Variants in RADIL observed in about 807,000 individuals in gnomAD.
RADIL encodes the protein ras-associating and dilute domain-containing protein.
RADIL carries 99 observed loss-of-function variants against 97.6 expected under a neutral mutation model. That is an observed-to-expected ratio of 1.01 (90% CI 0.86 to 1.20). The LOEUF (loss-of-function observed/expected upper bound fraction) is 1.20. Among genes scored for constraint, RADIL ranks in the 50% most tolerant of loss-of-function variants. The pLI is 0.00. For missense variants in RADIL, 1,765 were observed against 1,498.9 expected (o/e 1.18, Z -2.93); for synonymous variants, 803 against 691.8 (o/e 1.16, Z -2.52).
intron 9 of RADIL, chr7:4,809,721 C>G: frequency 1.2e-6 from 1 of 828,060 alleles, no homozygotes; most frequent in Non-Finnish European, 1.5e-6. Context: ...TTCGCTCTGT[C>G]GCCCAGGCCG....
At position 4,817,267 on chromosome 7, in the gene RADIL, A is replaced by T. The variant is rs1170894025; in HGVS notation, c.1700T>A (p.Phe567Tyr). 5 of 1,612,620 alleles carry T rather than the reference A, an allele frequency of 3.1e-6. No individual in the cohort carries two copies. The highest frequency in any genetic ancestry group is 4.2e-6 in the Non-Finnish European group (5 of 1,179,640). Residue 567 changes from phenylalanine to tyrosine, a missense_variant, in exon 7 of 15, where the codon TTC becomes TAC. Coordinates refer to ENST00000399583, the MANE Select transcript of RADIL (RefSeq NM_018059.5). The surrounding 1 kb of genome is among the most constrained non-coding windows in gnomAD (Gnocchi z 8.3). ...GGAGACATAGTAGACGCACTGCTGG[A>T]AGGCGTACAGCACCACCTCCTCCAG... is the stretch of plus-strand genomic sequence containing the variant. ...AVLEEVVLYA[F>Y]QQCVYYVSKS...
At chr7:4,800,494 A>G (rs1782046232) in intron 12 of RADIL, among the ~76,000 whole-genome samples, 184 bp from the exon 13 acceptor site, 1 of 152,056 alleles carries the variant, frequency 6.6e-6, no homozygotes, top group African/African-American at 2.4e-5. Flanking sequence ...GGGTCCGCCC[A>G]TGGGCGACAC....
Position 4,803,716 on chromosome 7 carries a change from C to T in RADIL, c.2329G>A (p.Val777Ile), listed in dbSNP as rs750784730. Residue 777 changes from valine to isoleucine, a missense_variant, in exon 11 of 15, where the codon GTC becomes ATC. Val to Ile is a conservative substitution (Grantham distance 29). Coordinates refer to ENST00000399583, the MANE Select transcript of RADIL (RefSeq NM_018059.5). ...ACCTGGAAGCCGTCGCTGGGCAGGA[C>T]GATGGGTGGGGGGTTTTCGTAGGAC... is the stretch of plus-strand genomic sequence containing the variant. ...LESYENPPPI[V>I]LPSDGFQVDL... 8.3e-6 allele frequency: 13 copies of T among 1,567,726 alleles called. No homozygotes were observed. Among genetic ancestry groups the T allele is most frequent in the South Asian group, 1.2e-5 (1 of 85,182 alleles).
rs559726355 is a variant in RADIL at position 4,819,991 on chromosome 7, C to T, written c.1615+2403G>A. On this transcript the variant is annotated intron_variant, in intron 6 of 14. Coordinates refer to ENST00000399583, the MANE Select transcript of RADIL (RefSeq NM_018059.5). The surrounding 1 kb of genome is among the most constrained non-coding windows in gnomAD (Gnocchi z 5.8). ...GGACCACATGGGACCCAGCTGCCTG[C>T]GGCCACCAAACCCAGGCAGCCACGA... 1.1e-4 allele frequency among the ~76,000 whole-genome samples: 16 copies of T among 152,364 alleles called. No individual in the cohort carries two copies. Among genetic ancestry groups the T allele is most frequent in the East Asian group, 5.8e-4 (3 of 5,182 alleles).
At chr7:4,843,401 A>T (rs1246850897) in intron 2 of RADIL, among the ~76,000 whole-genome samples, 1 of 152,206 alleles carries the variant, frequency 6.6e-6, no homozygotes, top group Non-Finnish European at 1.5e-5. Flanking sequence ...CACAGAGGTC[A>T]GATGGGCCTG....
intron 9 of RADIL, 82 bp from the exon 10 acceptor site, chr7:4,805,798 C>A: frequency 6.6e-7 from 1 of 1,514,404 alleles, no homozygotes; most frequent in South Asian, 1.3e-5. Flanking sequence ...CACAGGTGGC[C>A]TGGGGGTAGC....
rs917310703 is a variant in RADIL, at chr7:4,835,143, G to A, written c.880C>T (p.Leu294=). Residue 294 remains leucine, a synonymous_variant, in exon 4 of 15, where the codon CTG becomes TTG. Coordinates refer to ENST00000399583, the MANE Select transcript of RADIL (RefSeq NM_018059.5). The surrounding 1 kb of genome is among the most constrained non-coding windows in gnomAD (Gnocchi z 5.8). Reference sequence around the variant, plus strand: ...CGGCGGATGGTGCAGTGTAGAGGCAGGATGTCGGGGGCTGAGAGGCTGATG... The same window carrying A: ...CGGCGGATGGTGCAGTGTAGAGGCAAGATGTCGGGGGCTGAGAGGCTGATG... ...PSISLSAPDI[L]PLHCTIRRQP... The A allele has an allele frequency of 1.9e-6, 3 of 1,610,620 alleles. No homozygotes were observed. Among genetic ancestry groups the A allele is most frequent in the Non-Finnish European group, 2.5e-6 (3 of 1,178,966 alleles).
chr7:4,857,191 T>G (rs1392786445), intron 2 of RADIL, among the ~76,000 whole-genome samples: 1 of 152,266 alleles, frequency 6.6e-6, no homozygotes. Context: ...ATGTTCCTGA[T>G]GCTGTAGGAC....
At chr7:4,810,770 C>A (rs1390194189) in intron 9 of RADIL, among the ~76,000 whole-genome samples, 1 of 152,224 alleles carries the variant, frequency 6.6e-6, no homozygotes, top group Non-Finnish European at 1.5e-5. Flanking sequence ...CCTGAGGGTT[C>A]AAACCACTGC....
At chr7:4,829,435 G>A (rs1283540582) in intron 5 of RADIL, among the ~76,000 whole-genome samples, 1 of 152,198 alleles carries the variant, frequency 6.6e-6, no homozygotes, top group Non-Finnish European at 1.5e-5. Context: ...GGGACTCCAG[G>A]TCAGTGGTCC....
At chr7:4,812,055 G>T (rs1454641598) in intron 9 of RADIL, among the ~76,000 whole-genome samples, 2 of 151,718 alleles carry the variant, frequency 1.3e-5, no homozygotes, top group Non-Finnish European at 2.9e-5. Context: ...TTCTGTGTGT[G>T]TTTTTGTAGA....
At position 4,865,575 on chromosome 7, in the gene RADIL, G is replaced by A. The variant is rs1375650597; in HGVS notation, c.535+12030C>T. On this transcript the variant is annotated intron_variant, in intron 2 of 14. Coordinates refer to ENST00000399583, the MANE Select transcript of RADIL (RefSeq NM_018059.5). The stretch of plus-strand genomic sequence containing the variant: ...TACTTCAAATACCTTTTTGAGAAAG[G>A]GACCTCGGATGTCACAGTGATCTTG... 7.6e-6 allele frequency: 6 copies of A among 793,054 alleles called. No individual in the cohort carries two copies. In the Middle Eastern group the frequency reaches 1.1e-3, roughly 140 times the overall value. 49.1% of individuals were successfully genotyped at this position (793,054 alleles called of 1,614,324 possible). A position where few individuals can be genotyped will look rare whatever the true frequency, so the allele number is the denominator to read the frequency against.
At chr7:4,800,389 G>A (rs1410245464) in intron 12 of RADIL, 79 bp from the exon 13 acceptor site, 4 of 1,358,110 alleles carry the variant, frequency 2.9e-6, no homozygotes, top group African/African-American at 1.5e-5. Context: ...TGGCCTGGCT[G>A]CCTCTGTAGG....
In RADIL at chr7:4,801,635, G is replaced by C. The variant is rs746750556; in HGVS notation, c.2842+18C>G. On this transcript the variant is annotated intron_variant, in intron 12 of 14. Coordinates refer to ENST00000399583, the MANE Select transcript of RADIL (RefSeq NM_018059.5). ...GGGTCTGGGGTGGGTTCCCGCCTGAGCACCAGGCAGGGCTCACCTTCCGGA... is the reference window on the plus strand; with the variant it reads ...GGGTCTGGGGTGGGTTCCCGCCTGACCACCAGGCAGGGCTCACCTTCCGGA... 1 of 1,578,080 alleles carries C rather than the reference G, an allele frequency of 6.3e-7. No individual in the cohort carries two copies. The highest frequency in any genetic ancestry group is 1.8e-5 in the Admixed American group (1 of 55,382).
At position 4,821,207 on chromosome 7, in the gene RADIL, C is replaced by A. The variant is rs1264134122; in HGVS notation, c.1615+1187G>T. The stretch of plus-strand genomic sequence containing the variant: ...CTACCCGGATCCTCCAGAAGCCAGA[C>A]CGCCACGCCACGGCCACTCAGGACC... On this transcript the variant is annotated intron_variant, in intron 6 of 14. Transcript: ENST00000399583. The surrounding 1 kb of genome is among the most constrained non-coding windows in gnomAD (Gnocchi z 5.2). 3.3e-5 allele frequency among the ~76,000 whole-genome samples: 5 copies of A among 152,216 alleles called. No homozygotes were observed. The highest frequency in any genetic ancestry group is 7.3e-5 in the Non-Finnish European group (5 of 68,032).
intron 5 of RADIL, among the ~76,000 whole-genome samples, chr7:4,825,737 G>A (rs924784652): frequency 4.6e-5 from 7 of 151,964 alleles, no homozygotes; most frequent in Non-Finnish European, 8.8e-5. Flanking sequence ...TTAGCTGGGC[G>A]TGGTGGCATG....
At position 4,799,740 on chromosome 7, in the gene RADIL, G is replaced by T. The variant is rs749958718; in HGVS notation, c.3012C>A (p.Tyr1004Ter). 1.3e-6 allele frequency: 2 copies of T among 1,554,710 alleles called. No homozygotes were observed. The highest frequency in any genetic ancestry group is 1.7e-6 in the Non-Finnish European group (2 of 1,154,434). ...GGCTGCCCGGGAGCAGGGTCTGGATGTAGAGCCCGGGGGCGCCCAGGTGCG... is the reference window on the plus strand; with the variant it reads ...GGCTGCCCGGGAGCAGGGTCTGGATTTAGAGCCCGGGGGCGCCCAGGTGCG... ...MHTHLGAPGL[Y>*]IQTLLPGSPA... is the part of the protein sequence containing the mutation. Residue 1004 changes from tyrosine to a stop codon, truncating the protein, a stop_gained, in exon 14 of 15, where the codon TAC becomes TAA. Coordinates refer to ENST00000399583, the MANE Select transcript of RADIL (RefSeq NM_018059.5). LOFTEE classifies it high-confidence loss of function.
chr7:4,810,665 G>A lies in RADIL; in HGVS notation c.2139+4613C>T, dbSNP rs182696968. Among the ~76,000 whole-genome samples the A allele has an allele frequency of 2.2e-3, 338 of 152,362 alleles. 3 individuals carry two copies. The highest frequency in any genetic ancestry group is 7.3e-3 in the African/African-American group (304 of 41,590). On this transcript the variant is annotated intron_variant, in intron 9 of 14. Coordinates refer to ENST00000399583, the MANE Select transcript of RADIL (RefSeq NM_018059.5). ...CGGAAGCATCTCCGTCGGGGAAATT[G>A]CTCAATCGGAGCACATGCACTCGGT...
Position 4,878,117 on chromosome 7 carries a change from A to C in RADIL, c.23T>G (p.Ile8Ser). 2 of 1,570,050 alleles carry C rather than the reference A, an allele frequency of 1.3e-6. No individual in the cohort carries two copies. Among genetic ancestry groups the C allele is most frequent in the Non-Finnish European group, 8.6e-7 (1 of 1,158,936 alleles). ...TTTGCTCTTGGTGGGCGGGGACATG[A>C]TGAAGTGCGTCCCATAAAACATGGT... is the stretch of plus-strand genomic sequence containing the variant. MFYGTHF[I>S]MSPPTKSKLK... The change falls in exon 2 of 15, where the codon ATC becomes AGC. Residue 8 changes from isoleucine (I) to serine (S), a missense_variant. Ile to Ser is a moderately radical substitution (Grantham distance 142, BLOSUM62 -2). Coordinates refer to ENST00000399583, the MANE Select transcript of RADIL (RefSeq NM_018059.5). This position sits in a 1 kb window ranked among gnomAD's most constrained non-coding sequence, Gnocchi z 4.1.
Sources: gnomAD v4.1 joint callset for allele counts (sites outside exome capture counted in the v4.1 genomes callset) on GRCh38, gnomAD v4.1.1 for gene constraint, Gnocchi (gnomAD v3.1) non-coding constraint, MANE v1.5 for transcripts, NCBI Gene and HGNC (gene_info 2026-07-23, HGNC 2026-07-21) for gene names.